Variants in CCDC7 observed in about 807,000 individuals in gnomAD.
CCDC7 encodes the protein coiled-coil domain-containing protein 7.
In CCDC7, 183 loss-of-function variants were observed where a neutral mutation model predicts 196.9. The observed-to-expected ratio is 0.93, with a 90% confidence interval of 0.82 to 1.05. The LOEUF is 1.05. Among genes scored for constraint, CCDC7 ranks in the 50% least tolerant of loss-of-function variants. The pLI, the probability that CCDC7 is intolerant of heterozygous loss-of-function variation, is 0.00. For synonymous variants in CCDC7, 525 were observed against 484.6 expected (o/e 1.08, Z -1.10); for missense variants, 1,540 against 1,482.2 (o/e 1.04, Z -0.64).
intron 18 of CCDC7, among the ~76,000 whole-genome samples, chr10:32,605,183 G>A (rs567762772): frequency 6.6e-6 from 1 of 152,190 alleles, no homozygotes; most frequent in East Asian, 1.9e-4. Flanking sequence ...CATCATGATT[G>A]TAAGCAGCCC....
intron 8 of CCDC7, among the ~76,000 whole-genome samples, chr10:32,479,942 G>A (rs2039668928): frequency 6.6e-6 from 1 of 151,446 alleles, no homozygotes; most frequent in African/African-American, 2.4e-5. Context: ...TTGGTGGGTT[G>A]TATGTGTCTA....
At chr10:32,775,231 C>G (rs191492679) in intron 28 of CCDC7, among the ~76,000 whole-genome samples, 1 of 152,292 alleles carries the variant, frequency 6.6e-6, no homozygotes. Flanking sequence ...ACTATTATCT[C>G]TTAGTATTCT....
intron 33 of CCDC7, among the ~76,000 whole-genome samples, chr10:32,844,037 C>T (rs965203903): frequency 6.6e-6 from 1 of 151,926 alleles, no homozygotes; most frequent in African/African-American, 2.4e-5. Flanking sequence ...TCTATGGTAT[C>T]TGGGTCATTA....
At chr10:32,829,932 G>A (rs2091917732) in intron 32 of CCDC7, among the ~76,000 whole-genome samples, 2 of 151,174 alleles carry the variant, frequency 1.3e-5, no homozygotes, top group African/African-American at 4.8e-5. Context: ...TGGCCTCCCA[G>A]CCTACATCTT....
chr10:32,452,793 T>G (rs2033419749), intron 1 of CCDC7, among the ~76,000 whole-genome samples: 1 of 152,172 alleles, frequency 6.6e-6, no homozygotes, highest in Admixed American at 6.5e-5. Context: ...AAAATTTCCT[T>G]TCTCTGAGTT....
intron 28 of CCDC7, among the ~76,000 whole-genome samples, chr10:32,763,148 C>A (rs1344619235): frequency 6.6e-6 from 1 of 151,858 alleles, no homozygotes; most frequent in Non-Finnish European, 1.5e-5. Flanking sequence ...ATGTAAGGAA[C>A]TCACAAACTT....
intron 24 of CCDC7, among the ~76,000 whole-genome samples, chr10:32,704,042 G>A (rs572403348): frequency 8.5e-5 from 13 of 152,206 alleles, no homozygotes; most frequent in Non-Finnish European, 1.8e-4. Context: ...ACCCAGCTTT[G>A]TTCCATTGCT....
At chr10:32,564,025 A>G (rs1225341512) in intron 13 of CCDC7, among the ~76,000 whole-genome samples, 1 of 152,248 alleles carries the variant, frequency 6.6e-6, no homozygotes, top group African/African-American at 2.4e-5. Context: ...GAAGACATTT[A>G]TGCAGCCAAA....
chr10:32,804,832 T>C (rs1337536659), intron 29 of CCDC7, among the ~76,000 whole-genome samples, 183 bp from the exon 31 acceptor site: 1 of 152,136 alleles, frequency 6.6e-6, no homozygotes, highest in African/African-American at 2.4e-5. Flanking sequence ...GCTTATATGA[T>C]TGCTAACAGA....
At chr10:32,462,480 A>T (rs1564634593) in intron 3 of CCDC7, among the ~76,000 whole-genome samples, 1 of 152,142 alleles carries the variant, frequency 6.6e-6, no homozygotes, top group Non-Finnish European at 1.5e-5. Context: ...TAAATTCTAG[A>T]AAGAAGTTGT....
intron 11 of CCDC7, among the ~76,000 whole-genome samples, chr10:32,537,156 G>T (rs1280232032): frequency 6.6e-6 from 1 of 152,016 alleles, no homozygotes; most frequent in Non-Finnish European, 1.5e-5. Flanking sequence ...CAACCTCACT[G>T]GCATCTGTTA....
intron 28 of CCDC7, among the ~76,000 whole-genome samples, chr10:32,763,160 A>T (rs71493145): frequency 6.6e-6 from 1 of 152,002 alleles, no homozygotes; most frequent in Non-Finnish European, 1.5e-5. Context: ...CACAAACTTA[A>T]CAGCAAAATG....
At chr10:32,600,969 G>C (rs1309128515) in intron 18 of CCDC7, among the ~76,000 whole-genome samples, 1 of 152,024 alleles carries the variant, frequency 6.6e-6, no homozygotes, top group East Asian at 1.9e-4. Context: ...TTGAAGGACA[G>C]CTTTGCCAGG....
At chr10:32,487,566 T>A (rs1430239020) in intron 8 of CCDC7, among the ~76,000 whole-genome samples, 1 of 152,198 alleles carries the variant, frequency 6.6e-6, no homozygotes, top group African/African-American at 2.4e-5. Context: ...GCACTCTGAT[T>A]TTTAGAGTTT....
At chr10:32,748,934 G>T (rs1407752781) in intron 28 of CCDC7, among the ~76,000 whole-genome samples, 1 of 152,010 alleles carries the variant, frequency 6.6e-6, no homozygotes, top group African/African-American at 2.4e-5. Flanking sequence ...ACTATTCATT[G>T]TGAGAACCTG....
intron 33 of CCDC7, 46 bp from the exon 35 acceptor site, chr10:32,845,197 A>C (rs933177571): frequency 2.5e-6 from 3 of 1,197,374 alleles, no homozygotes; most frequent in Non-Finnish European, 3.6e-6. Flanking sequence ...CAGATTTGGT[A>C]ATGTTTACCT....
At chr10:32,747,719 G>C (rs1047071509) in intron 28 of CCDC7, among the ~76,000 whole-genome samples, 6 of 152,158 alleles carry the variant, frequency 3.9e-5, no homozygotes, top group Admixed American at 1.3e-4. Flanking sequence ...ACAGATCCTA[G>C]TGAGGTTGTA....
intron 41 of CCDC7, among the ~76,000 whole-genome samples, chr10:32,873,332 A>T (rs1160449610): frequency 2.0e-5 from 3 of 151,978 alleles, no homozygotes; most frequent in African/African-American, 7.2e-5. Context: ...CGAATTGGCT[A>T]CTGAGGCTTG....
chr10:32,469,088 G>A (rs1365407993), intron 5 of CCDC7, among the ~76,000 whole-genome samples: 1 of 152,134 alleles, frequency 6.6e-6, no homozygotes, highest in Non-Finnish European at 1.5e-5. Context: ...TACTCTTTTA[G>A]TTCTGTGCCT....
Sources: allele counts gnomAD v4.1 joint callset (sites outside exome capture counted in the v4.1 genomes callset), GRCh38; gene constraint gnomAD v4.1.1; transcripts MANE v1.5; gene names NCBI Gene and HGNC (gene_info 2026-07-23, HGNC 2026-07-21).